GNAQ: variants seen among roughly 807,000 people sequenced by gnomAD.
The protein encoded by GNAQ is guanine nucleotide-binding protein G(q) subunit alpha.
GNAQ carries 8 observed loss-of-function variants against 43.9 expected under a neutral mutation model. The observed-to-expected ratio is 0.18, with a 90% CI of 0.11 to 0.33. The LOEUF (loss-of-function observed/expected upper bound fraction) is 0.33. Among genes scored for constraint, GNAQ ranks in the 10% least tolerant of loss-of-function variants. The probability of loss-of-function intolerance (pLI) is 1.00; values close to 1 mark genes in which losing one functional copy is unlikely to be tolerated. For missense variants in GNAQ, 158 were observed against 450.8 expected, an observed-to-expected ratio of 0.35 and a Z score of 5.88; for synonymous variants, 155 against 170.7, an observed-to-expected ratio of 0.91 and a Z score of 0.71.
chr9:77,762,262 C>T (rs1587904607), intron 5 of GNAQ, among the ~76,000 whole-genome samples: 1 of 145,186 alleles, frequency 6.9e-6, no homozygotes, highest in African/African-American at 2.5e-5. Flanking sequence ...GGGGTCAGCC[C>T]CCCGCCTGGC....
At chr9:77,803,879 C>T (rs750691128) in intron 3 of GNAQ, among the ~76,000 whole-genome samples, 2 of 152,150 alleles carry the variant, frequency 1.3e-5, no homozygotes, top group African/African-American at 2.4e-5. Flanking sequence ...TTAGTTTACA[C>T]CTTGTAACAG....
intron 5 of GNAQ, among the ~76,000 whole-genome samples, chr9:77,731,116 G>A (rs1002927874): frequency 5.9e-5 from 9 of 152,098 alleles, no homozygotes; most frequent in African/African-American, 2.2e-4. Flanking sequence ...GGGCGTGATG[G>A]GCTCCAAGGG....
At chr9:77,805,887 GA>G (rs1826822434) in intron 3 of GNAQ, among the ~76,000 whole-genome samples, 2 of 152,148 alleles carry the variant, frequency 1.3e-5, no homozygotes, top group Admixed American at 6.5e-5. Flanking sequence ...ATCTAGAAAA[GA>G]TTTTTAAAAC....
rs1282305543 is a variant in GNAQ at position 78,024,716 on chromosome 9, G to A, written c.136+6384C>T. 3.9e-5 allele frequency among the ~76,000 whole-genome samples: 6 copies of A among 152,254 alleles called. No individual in the cohort carries two copies. The East Asian group carries it at 1.2e-3, about 29-fold the overall frequency. On this transcript the variant is annotated intron_variant, in intron 1 of 6. Transcript: ENST00000286548. ...CTATGCAAAGTGCTTAGTCTTTCCT[G>A]TCGGCAAATAAGACATAAGGAGCAT...
chr9:77,758,423 T>C (rs1012602023), intron 5 of GNAQ, among the ~76,000 whole-genome samples: 4 of 152,232 alleles, frequency 2.6e-5, no homozygotes, highest in African/African-American at 7.2e-5. Flanking sequence ...ACTAGATGTA[T>C]ATTTAAATGG....
chr9:78,030,004 T>C (rs979772774), intron 1 of GNAQ, among the ~76,000 whole-genome samples: 2 of 152,182 alleles, frequency 1.3e-5, no homozygotes, highest in African/African-American at 2.4e-5. Context: ...CCAGAGATAA[T>C]CATCAATAAA....
At chr9:77,918,024 C>A (rs1202743748) in intron 2 of GNAQ, among the ~76,000 whole-genome samples, 3 of 152,142 alleles carry the variant, frequency 2.0e-5, no homozygotes, top group Non-Finnish European at 4.4e-5. Context: ...GACCACAGCA[C>A]CCTCCGGCCA....
At chr9:77,960,345 T>C (rs1823092062) in intron 1 of GNAQ, among the ~76,000 whole-genome samples, 1 of 150,450 alleles carries the variant, frequency 6.6e-6, no homozygotes, top group South Asian at 2.1e-4. Flanking sequence ...GGTCCTTTAC[T>C]GTAGTTTTTT....
chr9:77,855,451 T>G (rs1000361117), intron 2 of GNAQ, among the ~76,000 whole-genome samples: 14 of 152,262 alleles, frequency 9.2e-5, no homozygotes, highest in Admixed American at 9.2e-4. Flanking sequence ...AAAAAATGAC[T>G]TTGCAGGTTT....
At chr9:78,024,625 C>G (rs960195369) in intron 1 of GNAQ, among the ~76,000 whole-genome samples, 7 of 152,112 alleles carry the variant, frequency 4.6e-5, no homozygotes, top group Non-Finnish European at 8.8e-5. Flanking sequence ...AATAGAAAAG[C>G]CAAAGCCAGG....
chr9:77,740,606 T>C (rs1825638553), intron 5 of GNAQ, among the ~76,000 whole-genome samples: 1 of 152,214 alleles, frequency 6.6e-6, no homozygotes, highest in Non-Finnish European at 1.5e-5. Flanking sequence ...TAGCGCATTA[T>C]ATTTCTAAGG....
At position 77,885,165 on chromosome 9, in the gene GNAQ, T is replaced by C. The variant is rs576607238; in HGVS notation, c.321+36996A>G. On this transcript the variant is annotated intron_variant, in intron 2 of 6. Coordinates refer to ENST00000286548, the MANE Select transcript of GNAQ (RefSeq NM_002072.5). ...CTAAGAAAACCAGAGGTAAGGGCAATGAAGAAATGTGCCCAAAGTTGTGGT... is the reference window on the plus strand; with the variant it reads ...CTAAGAAAACCAGAGGTAAGGGCAACGAAGAAATGTGCCCAAAGTTGTGGT... Among the ~76,000 whole-genome samples, 3 of 152,228 alleles carry C rather than the reference T, an allele frequency of 2.0e-5. No individual in the cohort carries two copies. The South Asian group carries it at 6.2e-4, about 32-fold the overall frequency.
Position 77,717,207 on chromosome 9 carries a change from T to C in GNAQ, c.*4116A>G. On this transcript the variant is annotated 3_prime_UTR_variant, in exon 7 of 7. Transcript: ENST00000286548. ...ATTTTTTTGTGTTTCTAACCAAAGA[T>C]ATATCTTTGGAAGAAAATATTAATG... 4.3e-6 allele frequency: 1 copy of C among 232,324 alleles called. No individual in the cohort carries two copies. The highest frequency in any genetic ancestry group is 5.6e-5 in the Admixed American group (1 of 17,782). 14.4% of individuals were successfully genotyped at this position (232,324 alleles called of 1,614,324 possible).
At chr9:77,898,692 A>G (rs1370393623) in intron 2 of GNAQ, among the ~76,000 whole-genome samples, 1 of 152,220 alleles carries the variant, frequency 6.6e-6, no homozygotes, top group African/African-American at 2.4e-5. Context: ...TACAATTTAT[A>G]GCAGGAAAAA....
At position 77,791,426 on chromosome 9, in the gene GNAQ, A is replaced by C. The variant is rs144071610; in HGVS notation, c.735+3037T>G. ...TGAAAGGATTACAGCAGAATAGTGG[A>C]TTCCATGCTGGTGTGTTATCACAGG... On this transcript the variant is annotated intron_variant, in intron 5 of 6. Transcript: ENST00000286548. Among the ~76,000 whole-genome samples, 192 of 152,334 alleles carry C rather than the reference A, an allele frequency of 1.3e-3. 1 individual carries two copies. The highest frequency in any genetic ancestry group is 2.3e-3 in the Non-Finnish European group (154 of 68,026).
At chr9:77,958,638 T>A (rs767053301) in intron 1 of GNAQ, among the ~76,000 whole-genome samples, 2 of 152,216 alleles carry the variant, frequency 1.3e-5, no homozygotes, top group Non-Finnish European at 2.9e-5. Flanking sequence ...AACTGGGCCA[T>A]CATTTCTTTG....
At chr9:77,882,780 G>A (rs142784948) in intron 2 of GNAQ, among the ~76,000 whole-genome samples, 16 of 150,724 alleles carry the variant, frequency 1.1e-4, no homozygotes, top group Middle Eastern at 3.4e-3. Flanking sequence ...TTTTTTTTTC[G>A]TTTTCACTTG....
chr9:78,028,091 C>T (rs1369003192), intron 1 of GNAQ, among the ~76,000 whole-genome samples: 1 of 152,164 alleles, frequency 6.6e-6, no homozygotes, highest in East Asian at 1.9e-4. Context: ...AAAATATGTG[C>T]TTTATACCTA....
At chr9:77,722,328 G>A (rs940765592) in intron 6 of GNAQ, among the ~76,000 whole-genome samples, 1 of 151,916 alleles carries the variant, frequency 6.6e-6, no homozygotes, top group Admixed American at 6.6e-5. Flanking sequence ...GTAGAGACAA[G>A]GTTTTGCCAT....
Sources: allele counts gnomAD v4.1 joint callset (sites outside exome capture counted in the v4.1 genomes callset), GRCh38; gene constraint gnomAD v4.1.1; transcripts MANE v1.5; gene names NCBI Gene and HGNC (gene_info 2026-07-23, HGNC 2026-07-21).